Variants in SMYD4 observed in about 807,000 individuals in gnomAD.
SMYD4 encodes the protein SET and MYND domain containing 4, also known as protein-lysine N-methyltransferase SMYD4.
Under a neutral mutation model 72.8 loss-of-function variants are expected in SMYD4, and 68 were observed. The ratio of observed to expected loss-of-function variants is 0.93; its 90% CI spans 0.77 to 1.14. The LOEUF (loss-of-function observed/expected upper bound fraction) is 1.14, where lower values mean the gene tolerates loss of function less well. SMYD4 is among the 50% of genes most tolerant of loss of function. The pLI is 0.00. For missense variants in SMYD4, 984 were observed against 1,003.7 expected, an observed-to-expected ratio of 0.98 and a Z score of 0.27; for synonymous variants, 407 against 388.6, an observed-to-expected ratio of 1.05 and a Z score of -0.56.
At chr17:1,817,095 A>G (rs933169633) in intron 2 of SMYD4, among the ~76,000 whole-genome samples, 5 of 149,952 alleles carry the variant, frequency 3.3e-5, no homozygotes, top group African/African-American at 1.2e-4. Flanking sequence ...CCCAGGCAGA[A>G]GTTCAGTTTC....
At chr17:1,787,108 A>G in intron 6 of SMYD4, 135 bp from the exon 7 acceptor site, 1 of 1,170,796 alleles carries the variant, frequency 8.5e-7, no homozygotes, top group South Asian at 1.6e-5. Flanking sequence ...TATTTGTGGA[A>G]CTGGATACTA....
intron 2 of SMYD4, among the ~76,000 whole-genome samples, chr17:1,824,031 G>A (rs898657316): frequency 6.6e-6 from 1 of 152,172 alleles, no homozygotes; most frequent in Non-Finnish European, 1.5e-5. Flanking sequence ...TGAAACTGAA[G>A]AGTTCTAGAG....
chr17:1,784,267 G>A (rs540193962), intron 8 of SMYD4, 59 bp downstream of exon 8: 8 of 1,607,790 alleles, frequency 5.0e-6, no homozygotes, highest in East Asian at 2.2e-5. Flanking sequence ...AGTCCAAAAC[G>A]GTATCAGAAC....
At chr17:1,802,939 G>A (rs960457776) in intron 4 of SMYD4, among the ~76,000 whole-genome samples, 8 of 152,168 alleles carry the variant, frequency 5.3e-5, no homozygotes, top group Non-Finnish European at 1.0e-4. Context: ...GGATCACAAG[G>A]TCAGGAGTTT....
At chr17:1,828,674 T>G (rs1449999609) in intron 1 of SMYD4, among the ~76,000 whole-genome samples, 12 of 150,562 alleles carry the variant, frequency 8.0e-5, no homozygotes, top group Non-Finnish European at 5.9e-5. Context: ...CTCGGCTCAC[T>G]GCACCCTCCG....
rs111912022 is a variant in SMYD4, at chr17:1,786,825, G to A, written c.1869C>T (p.Cys623=). ...PRWEAFCCNS[C]GAPMQGDDVL... Reference sequence around the variant, plus strand: ...AGAGAATTACCTGCATGGGCGCTCCGCAACTGTTGCAACAGAATGCTTCCC... The same window carrying A: ...AGAGAATTACCTGCATGGGCGCTCCACAACTGTTGCAACAGAATGCTTCCC... Residue 623 remains cysteine (C), a synonymous_variant, in exon 7 of 11, where the codon TGC becomes TGT. Coordinates refer to ENST00000305513, the MANE Select transcript of SMYD4 (RefSeq NM_052928.3). 253 of 1,614,176 alleles carry A rather than the reference G, an allele frequency of 1.6e-4. 4 individuals are homozygous for A. In the African/African-American group the frequency reaches 2.4e-3, roughly 15 times the overall value.
intron 2 of SMYD4, among the ~76,000 whole-genome samples, chr17:1,821,785 G>A (rs1207651237): frequency 6.7e-6 from 1 of 149,032 alleles, no homozygotes; most frequent in South Asian, 2.1e-4. Context: ...ACAAAAATTA[G>A]CTGGGTGTGA....
chr17:1,824,275 A>G (rs114453774), intron 2 of SMYD4, among the ~76,000 whole-genome samples: 1,529 of 152,264 alleles, frequency 0.01, 24 homozygotes, highest in African/African-American at 0.033. Flanking sequence ...CCCACGAGGC[A>G]CAAGTTGCAG....
chr17:1,814,906 C>T (rs527652672), intron 2 of SMYD4: 1 of 152,286 alleles, frequency 6.6e-6, no homozygotes, highest in African/African-American at 2.4e-5. Context: ...AGGCAATACC[C>T]TATGCCTGTC....
In SMYD4 at chr17:1,800,329, A is replaced by G. The variant is rs1567775354; in HGVS notation, c.1065T>C (p.Thr355=). Residue 355 remains threonine (T), a synonymous_variant, in exon 5 of 11, where the codon ACT becomes ACC. Coordinates refer to ENST00000305513, the MANE Select transcript of SMYD4 (RefSeq NM_052928.3). ...GAACATCCTCAAATCCCACCAAAAG[A>G]GTCAACCTCAGGGCAATGTGGCAAA... ...GVFCHIALRL[T]LLVGFEDVRK... is the part of the protein sequence containing the mutation. 6.2e-7 allele frequency: 1 copy of G among 1,614,116 alleles called. No individual in the cohort carries two copies. The highest frequency in any genetic ancestry group is 1.7e-5 in the Admixed American group (1 of 59,992).
rs1911186672 is a variant in SMYD4 at position 1,826,519 on chromosome 17, GAAAA to G, written c.134+1338_134+1341del. Among the ~76,000 whole-genome samples the G allele has an allele frequency of 1.6e-4, 16 of 101,466 alleles. 1 individual carries two copies. The highest frequency in any genetic ancestry group is 5.0e-3 in the Middle Eastern group (1 of 200). The allele number at this position is 101,466 out of a possible 152,430, so 66.6% of individuals were successfully genotyped here. Reference sequence around the variant, plus strand: ...AAAAAAAAAAAAAAAAAAAAAAAAAGAAAAGAAAAGAAAAGAAATGAAGACTAAC... The same window carrying G: ...AAAAAAAAAAAAAAAAAAAAAAAAAGGAAAAGAAAAGAAATGAAGACTAAC... On this transcript the variant is annotated intron_variant, in intron 2 of 10. Transcript: ENST00000305513.
At chr17:1,821,825 G>A (rs1910905962) in intron 2 of SMYD4, among the ~76,000 whole-genome samples, 1 of 151,660 alleles carries the variant, frequency 6.6e-6, no homozygotes, top group South Asian at 2.1e-4. Flanking sequence ...TAGCTACTTG[G>A]GTGGCTGAGG....
intron 5 of SMYD4, among the ~76,000 whole-genome samples, chr17:1,789,922 T>C (rs1461322006): frequency 2.0e-5 from 3 of 152,172 alleles, no homozygotes; most frequent in African/African-American, 2.4e-5. Context: ...TAGTTAATAA[T>C]TCTACAAATT....
Position 1,781,338 on chromosome 17 carries a change from ATCT to A in SMYD4, c.2360_2362del (p.Lys787del). 1.2e-6 allele frequency: 2 copies of A among 1,614,018 alleles called. No homozygotes were observed. Among genetic ancestry groups the A allele is most frequent in the Non-Finnish European group, 1.7e-6 (2 of 1,180,036 alleles). ...TGGTAAGTCCAACAAACAGGATTTC[ATCT>A]TCTGGAGCTCCTGGATTTCATCGTC... On this transcript the variant is annotated inframe_deletion, in exon 11 of 11. Transcript: ENST00000305513.
chr17:1,816,345 C>T (rs761263907), intron 2 of SMYD4, among the ~76,000 whole-genome samples: 1 of 151,716 alleles, frequency 6.6e-6, no homozygotes, highest in Non-Finnish European at 1.5e-5. Flanking sequence ...TTTGGCCAGG[C>T]GCGGTGGCTC....
Position 1,828,004 on chromosome 17 carries a change from G to C in SMYD4, c.-10C>G. The C allele has an allele frequency of 1.9e-6, 3 of 1,602,034 alleles. No homozygotes were observed. Among genetic ancestry groups the C allele is most frequent in the South Asian group, 2.2e-5 (2 of 90,572 alleles). On this transcript the variant is annotated splice_region_variant and 5_prime_UTR_variant, in exon 2 of 11. In the 5' UTR this introduces an upstream ATG that the reference lacks. Coordinates refer to ENST00000305513, the MANE Select transcript of SMYD4 (RefSeq NM_052928.3). ...CCACAGGCAGATCCATGCTGCTTTT[G>C]ATCTATAAAATGAGTAAGAAAATAG...
chr17:1,812,201 T>A, intron 2 of SMYD4, 86 bp from the exon 3 acceptor site: 1 of 1,448,464 alleles, frequency 6.9e-7, no homozygotes, highest in Non-Finnish European at 9.4e-7. Flanking sequence ...AACAAGAAAG[T>A]GGGCCCGCAA....
intron 2 of SMYD4, among the ~76,000 whole-genome samples, chr17:1,820,246 T>G (rs1032254584): frequency 6.6e-6 from 1 of 152,122 alleles, no homozygotes; most frequent in Non-Finnish European, 1.5e-5. Context: ...TATGTTCTTT[T>G]TTGTTGTTTT....
chr17:1,784,847 C>G lies in SMYD4; in HGVS notation c.1885-386G>C, dbSNP rs138015374. Among the ~76,000 whole-genome samples the G allele has an allele frequency of 1.1e-3, 170 of 151,962 alleles. No homozygotes were observed. In the East Asian group the frequency reaches 0.027, roughly 24 times the overall value. ...TGCAGTGGTGCGATCTCGGCTCACT[C>G]CAAGCTCCGCCTCCCGGGTTCACGC... On this transcript the variant is annotated intron_variant, in intron 7 of 10. Coordinates refer to ENST00000305513, the MANE Select transcript of SMYD4 (RefSeq NM_052928.3).
Sources: gnomAD v4.1 joint callset for allele counts (sites outside exome capture counted in the v4.1 genomes callset) on GRCh38, gnomAD v4.1.1 for gene constraint, MANE v1.5 for transcripts, NCBI Gene and HGNC (gene_info 2026-07-23, HGNC 2026-07-21) for gene names.